The following GALNT17 variants were observed in gnomAD, a reference collection of about 807,000 sequenced individuals.
The protein encoded by GALNT17 is UDP-GalNAc:polypeptide N-acetylgalactosaminyltransferase-like 3.
GALNT17 carries 29 observed loss-of-function variants against 63.7 expected under a neutral mutation model. The ratio of observed to expected loss-of-function variants is 0.46; its 90% CI spans 0.34 to 0.62. The LOEUF is 0.62. Among genes scored for constraint, GALNT17 ranks in the 20% least tolerant of loss-of-function variants. The probability of loss-of-function intolerance (pLI) is 0.01; values close to 1 mark genes in which losing one functional copy is unlikely to be tolerated. For missense variants in GALNT17, 603 were observed against 799.6 expected, an observed-to-expected ratio of 0.75 and a Z score of 2.97; for synonymous variants, 305 against 318.3, an observed-to-expected ratio of 0.96 and a Z score of 0.45.
intron 3 of GALNT17, among the ~76,000 whole-genome samples, chr7:71,415,626 G>A (rs747829157): frequency 5.9e-5 from 9 of 152,158 alleles, no homozygotes; most frequent in Non-Finnish European, 1.2e-4. Flanking sequence ...CCGGCTCATA[G>A]CAGCCGGGAT....
chr7:71,602,724 T>C (rs1390670037), intron 6 of GALNT17, among the ~76,000 whole-genome samples: 2 of 152,142 alleles, frequency 1.3e-5, no homozygotes, highest in Admixed American at 6.5e-5. Flanking sequence ...CAAAAGTTCA[T>C]GTAGTGTAAA....
At chr7:71,244,132 G>A (rs1300903827) in intron 1 of GALNT17, among the ~76,000 whole-genome samples, 2 of 152,140 alleles carry the variant, frequency 1.3e-5, no homozygotes, top group African/African-American at 2.4e-5. Context: ...TCCAGCATCC[G>A]CCTGCTGCTA....
chr7:71,373,687 C>G (rs1317874302), intron 2 of GALNT17, among the ~76,000 whole-genome samples: 1 of 152,178 alleles, frequency 6.6e-6, no homozygotes, highest in Non-Finnish European at 1.5e-5. Context: ...ATTTCATAGG[C>G]TGCACACTCC....
intron 2 of GALNT17, among the ~76,000 whole-genome samples, chr7:71,377,114 A>ATATAT (rs1554362120): frequency 0.017 from 1,000 of 57,310 alleles, 94 homozygotes; most frequent in Non-Finnish European, 0.02. Flanking sequence ...AAATAAAAAA[A>ATATAT]ATATATATAT....
chr7:71,631,211 T>C (rs77740807), intron 6 of GALNT17, among the ~76,000 whole-genome samples: 4 of 151,528 alleles, frequency 2.6e-5, no homozygotes, highest in Non-Finnish European at 4.4e-5. Flanking sequence ...TTTTTTTTTT[T>C]CTTGAGACAA....
rs1355036502 is a variant in GALNT17, at chr7:71,371,290, A to C, written c.423-16945A>C. On this transcript the variant is annotated intron_variant, in intron 2 of 10. Transcript: ENST00000333538. ...TTTTTCTGTTACATTTGCTTATGAT[A>C]AAAAAAGAACAGAAAAAGTATAAAG... 3.3e-5 allele frequency among the ~76,000 whole-genome samples: 5 copies of C among 152,198 alleles called. No homozygotes were observed. In the East Asian group the frequency reaches 9.6e-4, roughly 29 times the overall value.
intron 5 of GALNT17, among the ~76,000 whole-genome samples, chr7:71,450,108 G>A (rs1161476632): frequency 1.3e-5 from 2 of 150,132 alleles, no homozygotes; most frequent in South Asian, 2.1e-4. Context: ...ACACTTCTTG[G>A]TCCTGGTTTA....
intron 1 of GALNT17, among the ~76,000 whole-genome samples, chr7:71,145,996 G>A (rs970247457): frequency 3.3e-5 from 5 of 152,112 alleles, no homozygotes; most frequent in Admixed American, 2.0e-4. Context: ...GCGAGCCACC[G>A]TACGGGGCCC....
At chr7:71,523,775 ATAAATAAATAAT>A (rs1446076088) in intron 5 of GALNT17, among the ~76,000 whole-genome samples, 5 of 143,284 alleles carry the variant, frequency 3.5e-5, no homozygotes, top group African/African-American at 1.3e-4. Flanking sequence ...AAATAAATAA[ATAAATAAATAAT>A]AAAGAAAAGA....
intron 5 of GALNT17, among the ~76,000 whole-genome samples, chr7:71,448,368 T>G (rs189513544): frequency 4.4e-4 from 67 of 152,220 alleles, no homozygotes; most frequent in Admixed American, 1.2e-3. Context: ...TGTGTGTGTG[T>G]GTGTGTGTGT....
At chr7:71,323,070 CT>C (rs1355116648) in intron 1 of GALNT17, among the ~76,000 whole-genome samples, 4 of 151,794 alleles carry the variant, frequency 2.6e-5, no homozygotes, top group Admixed American at 2.6e-4. Context: ...AATGATATGT[CT>C]TGATAATGTC....
At chr7:71,217,506 T>G (rs917339265) in intron 1 of GALNT17, among the ~76,000 whole-genome samples, 3 of 152,188 alleles carry the variant, frequency 2.0e-5, no homozygotes, top group African/African-American at 4.8e-5. Context: ...GATGTGACTG[T>G]TAGATTTCAA....
chr7:71,171,033 G>A (rs966169480), intron 1 of GALNT17, among the ~76,000 whole-genome samples: 11 of 151,982 alleles, frequency 7.2e-5, no homozygotes, highest in Admixed American at 6.6e-4. Flanking sequence ...GACTTAAAAT[G>A]AGTTTGAGGA....
chr7:71,487,340 G>A (rs761367426), intron 5 of GALNT17, among the ~76,000 whole-genome samples: 2 of 152,174 alleles, frequency 1.3e-5, no homozygotes, highest in South Asian at 2.1e-4. Context: ...ATCCTTCCTC[G>A]GCTTACTTGA....
chr7:71,161,766 C>T (rs1442278889), intron 1 of GALNT17, among the ~76,000 whole-genome samples: 1 of 152,114 alleles, frequency 6.6e-6, no homozygotes, highest in Non-Finnish European at 1.5e-5. Flanking sequence ...TGCTGCCTTT[C>T]CACCTGATTT....
At chr7:71,656,312 G>A (rs1348598120) in intron 6 of GALNT17, among the ~76,000 whole-genome samples, 1 of 152,186 alleles carries the variant, frequency 6.6e-6, no homozygotes, top group East Asian at 1.9e-4. Context: ...GCTTCCTTGA[G>A]TAAGCACTGA....
At chr7:71,696,739 C>T (rs1791551833) in intron 9 of GALNT17, among the ~76,000 whole-genome samples, 1 of 152,094 alleles carries the variant, frequency 6.6e-6, no homozygotes, top group Non-Finnish European at 1.5e-5. Flanking sequence ...TTTCCCAATG[C>T]ATTAGGGTGT....
intron 6 of GALNT17, among the ~76,000 whole-genome samples, chr7:71,657,580 G>T (rs964842574): frequency 6.6e-6 from 1 of 152,146 alleles, no homozygotes; most frequent in Admixed American, 6.5e-5. Flanking sequence ...CTCTTCCGGG[G>T]TCCCTGAAGC....
intron 1 of GALNT17, among the ~76,000 whole-genome samples, chr7:71,309,938 G>GT (rs1791385611): frequency 1.3e-5 from 2 of 152,136 alleles, no homozygotes; most frequent in South Asian, 4.1e-4. Flanking sequence ...TTGGTGGGAG[G>GT]TAATTGAATC....
Sources: gnomAD v4.1 joint callset for allele counts (sites outside exome capture counted in the v4.1 genomes callset) on GRCh38, gnomAD v4.1.1 for gene constraint, MANE v1.5 for transcripts, NCBI Gene and HGNC (gene_info 2026-07-23, HGNC 2026-07-21) for gene names.